The following UBR4 variants were observed in gnomAD, a reference collection of about 807,000 sequenced individuals.
UBR4 encodes the protein E3 ubiquitin-protein ligase UBR4.
In UBR4, 124 loss-of-function variants were observed where a neutral mutation model predicts 575.6. That is an observed-to-expected ratio of 0.22 (90% CI 0.19 to 0.25). UBR4 has a LOEUF of 0.25. Ranked by LOEUF, UBR4 falls within the 10% of genes least tolerant of loss-of-function variation. The probability of loss-of-function intolerance (pLI) is 1.00; values close to 1 mark genes in which losing one functional copy is unlikely to be tolerated. For synonymous variants in UBR4, 2,455 were observed against 2,473.7 expected (o/e 0.99, Z 0.22); for missense variants, 4,818 against 6,478.8 (o/e 0.74, Z 8.80).
intron 44 of UBR4, among the ~76,000 whole-genome samples, chr1:19,154,174 T>C (rs975683116): frequency 2.0e-5 from 3 of 152,182 alleles, no homozygotes; most frequent in African/African-American, 4.8e-5. Context: ...TGAGGTTCCA[T>C]GTCCGAAGAA....
Position 19,100,634 on chromosome 1 carries a change from C to T in UBR4, c.13024-61G>A, listed in dbSNP as rs989767029. 2.0e-6 allele frequency: 3 copies of T among 1,521,666 alleles called. No homozygotes were observed. Among genetic ancestry groups the T allele is most frequent in the Non-Finnish European group, 2.7e-6 (3 of 1,099,766 alleles). The allele number at this position is 1,521,666 out of a possible 1,614,324, so 94.3% of individuals were successfully genotyped here. A position where few individuals can be genotyped will look rare whatever the true frequency, so the allele number is the denominator to read the frequency against. ...GGCAGAGGTGGAGATTTATACCATGCTACCTTGTTCCATGGACACTCGAGG... is the reference window on the plus strand; with the variant it reads ...GGCAGAGGTGGAGATTTATACCATGTTACCTTGTTCCATGGACACTCGAGG... On this transcript the variant is annotated intron_variant, in intron 88 of 105. Transcript: ENST00000375254. The surrounding 1 kb of genome is among the most constrained non-coding windows in gnomAD (Gnocchi z 4.2).
intron 49 of UBR4, 104 bp downstream of exon 49, chr1:19,150,473 A>C: frequency 7.6e-7 from 1 of 1,308,206 alleles, no homozygotes. Flanking sequence ...ATTCCAGGCT[A>C]GCCTTGAGAT....
At chr1:19,184,390 C>G (rs2091320569) in intron 15 of UBR4, among the ~76,000 whole-genome samples, 1 of 152,288 alleles carries the variant, frequency 6.6e-6, no homozygotes, top group South Asian at 2.1e-4. Flanking sequence ...AATGGCATTC[C>G]AGTTTAATAT....
intron 21 of UBR4, 83 bp from the exon 22 acceptor site, chr1:19,174,530 T>G: frequency 6.6e-7 from 1 of 1,516,462 alleles, no homozygotes; most frequent in South Asian, 1.2e-5. Context: ...CTTATCCTCA[T>G]GATTGACAAA....
intron 77 of UBR4, chr1:19,113,351 G>A (rs1299365732): frequency 1.3e-5 from 4 of 309,810 alleles, no homozygotes; most frequent in East Asian, 7.0e-5. Flanking sequence ...CTGCAAACAC[G>A]GCGTTATCAG....
Position 19,110,156 on chromosome 1 carries a change from C to T in UBR4, c.12045G>A (p.Met4015Ile). 1 of 1,614,174 alleles carries T rather than the reference C, an allele frequency of 6.2e-7. No homozygotes were observed. Among genetic ancestry groups the T allele is most frequent in the Non-Finnish European group, 8.5e-7 (1 of 1,180,020 alleles). The change falls in exon 81 of 106, where the codon ATG (methionine) becomes ATA (isoleucine). Residue 4015 changes from methionine to isoleucine, a missense_variant. Met to Ile is a conservative substitution (Grantham distance 10). Coordinates refer to ENST00000375254, the MANE Select transcript of UBR4 (RefSeq NM_020765.3). The surrounding 1 kb of genome is among the most constrained non-coding windows in gnomAD (Gnocchi z 4.5). ...TPVVVENITL[M>I]CLRILQKLIK... ...TCAGCTTCTGCAAGATCCTCAGGCA[C>T]ATGAGGGTAATGTTTTCAACCACCA...
intron 11 of UBR4, among the ~76,000 whole-genome samples, chr1:19,190,132 C>CAA (rs889304495): frequency 7.4e-6 from 1 of 135,408 alleles, no homozygotes; most frequent in Non-Finnish European, 1.6e-5. Context: ...ATTAAAAATA[C>CAA]AAAAAAAAAA....
At chr1:19,126,962 G>A (rs765628054) in intron 63 of UBR4, among the ~76,000 whole-genome samples, 32 of 152,268 alleles carry the variant, frequency 2.1e-4, no homozygotes, top group African/African-American at 5.1e-4. Context: ...GAGGGGACGC[G>A]TTTCCTCTTT....
At chr1:19,167,883 C>T (rs761364904) in intron 28 of UBR4, 144 bp downstream of exon 28, 4 of 871,190 alleles carry the variant, frequency 4.6e-6, no homozygotes, top group Non-Finnish European at 6.5e-6. Flanking sequence ...TAGGTAAGTG[C>T]TTATACTTTA....
At chr1:19,095,153 T>C (rs1570391007) in intron 93 of UBR4, 128 bp from the exon 94 acceptor site, 3 of 1,334,132 alleles carry the variant, frequency 2.2e-6, no homozygotes, top group African/African-American at 1.4e-5. Context: ...ACCGTGTGTA[T>C]GTATGTGCGT....
At chr1:19,128,612 C>T (rs2082078238) in intron 61 of UBR4, among the ~76,000 whole-genome samples, 3 of 152,128 alleles carry the variant, frequency 2.0e-5, no homozygotes, top group African/African-American at 7.2e-5. Flanking sequence ...AAGGGTGGTA[C>T]ACCAAACTAA....
intron 87 of UBR4, among the ~76,000 whole-genome samples, chr1:19,103,844 C>A (rs1057149999): frequency 7.9e-5 from 12 of 152,194 alleles, no homozygotes; most frequent in Non-Finnish European, 5.9e-5. Context: ...AATGAGAGAG[C>A]CTTTGACCTT....
intron 60 of UBR4, among the ~76,000 whole-genome samples, chr1:19,135,409 T>C (rs142184085): frequency 6.6e-6 from 1 of 152,356 alleles, no homozygotes; most frequent in African/African-American, 2.4e-5. Context: ...TAGTATCAAC[T>C]TGTCAATTTT....
intron 11 of UBR4, among the ~76,000 whole-genome samples, chr1:19,190,312 A>AAAAATATATATATAT: frequency 5.0e-5 from 4 of 79,904 alleles, no homozygotes; most frequent in East Asian, 5.8e-4. Flanking sequence ...AAAAAAAAAA[A>AAAAATATATATATAT]ATATATATAT....
rs2093253309 is a variant in UBR4, at chr1:19,210,230, C to G, written c.19G>C (p.Glu7Gln). The G allele has an allele frequency of 7.0e-7, 1 of 1,430,694 alleles. No homozygotes were observed. The highest frequency in any genetic ancestry group is 1.5e-5 in the African/African-American group (1 of 66,996). The allele number at this position is 1,430,694 out of a possible 1,614,324, so 88.6% of individuals were successfully genotyped here. Residue 7 changes from glutamate (E) to glutamine (Q), a missense_variant, in exon 1 of 106, where the codon GAA becomes CAA. Physicochemically the swap from Glu to Gln is conservative, Grantham distance 29 (BLOSUM62 2). Coordinates refer to ENST00000375254, the MANE Select transcript of UBR4 (RefSeq NM_020765.3). ...GCCGGAGCCGCTGCCGCCGCCTCTT[C>G]GCCGCCGCTCGTCGCCATCTTCCGT... MATSGG[E>Q]EAAAAAPAPG...
intron 51 of UBR4, 145 bp from the exon 52 acceptor site, chr1:19,147,145 TC>T (rs1193523334): frequency 1.5e-5 from 11 of 752,934 alleles, no homozygotes; most frequent in Non-Finnish European, 1.6e-5. Context: ...CTACAACAGA[TC>T]TTCAAAGCAG....
rs1321465808 is a variant in UBR4, at chr1:19,106,646, T to C, written c.12316A>G (p.Lys4106Glu). 6.2e-7 allele frequency: 1 copy of C among 1,609,560 alleles called. No individual in the cohort carries two copies. The highest frequency in any genetic ancestry group is 1.3e-5 in the African/African-American group (1 of 74,706). Residue 4106 changes from lysine to glutamate, a missense_variant, in exon 83 of 106, where the codon AAA (lysine) becomes GAA (glutamate). Around this residue, in one of 29 missense-constraint regions of UBR4, gnomAD observed 178 missense variants for 175.5 expected, o/e 1.01. Coordinates refer to ENST00000375254, the MANE Select transcript of UBR4 (RefSeq NM_020765.3). The part of the protein sequence containing the change: ...YLTEKYVWRW[K>E]QFLSRRGKRT... ...TTCCCCCGACGACTCAGGAACTGTT[T>C]CCACCTCCACACATACTTCTCAGTC...
Position 19,141,774 on chromosome 1 carries a change from T to A in UBR4, c.8183A>T (p.Asp2728Val). 1.2e-6 allele frequency: 2 copies of A among 1,614,026 alleles called. No homozygotes were observed. Among genetic ancestry groups the A allele is most frequent in the Non-Finnish European group, 1.7e-6 (2 of 1,179,936 alleles). ...SSPRSNTPMGDKDDDDDDDAD... is the reference protein window; with the variant it reads ...SSPRSNTPMGVKDDDDDDDAD... Reference sequence around the variant, plus strand: ...ATCATCATCGTCATCATCATCCTTGTCTCCTGAGTCAAAGAAACCCCAGTC... The same window carrying A: ...ATCATCATCGTCATCATCATCCTTGACTCCTGAGTCAAAGAAACCCCAGTC... The change falls in exon 56 of 106, where the codon GAC becomes GTC. Residue 2728 changes from aspartate (D) to valine (V), a missense_variant. Physicochemically the swap from Asp to Val is radical, Grantham distance 152. Transcript: ENST00000375254.
At chr1:19,137,161 G>A (rs769649264) in intron 60 of UBR4, among the ~76,000 whole-genome samples, 6 of 151,950 alleles carry the variant, frequency 3.9e-5, no homozygotes, top group East Asian at 1.9e-4. Context: ...TTGGCCGGGC[G>A]TGGTACCGCA....
Sources: gnomAD v4.1 joint callset for allele counts (sites outside exome capture counted in the v4.1 genomes callset) on GRCh38, gnomAD v4.1.1 for gene constraint, gnomAD v4.1.1 regional missense constraint, Gnocchi (gnomAD v3.1) non-coding constraint, MANE v1.5 for transcripts, NCBI Gene and HGNC (gene_info 2026-07-23, HGNC 2026-07-21) for gene names.